The following PRTG variants were observed in gnomAD, a reference collection of about 807,000 sequenced individuals.
The protein encoded by PRTG is protogenin.
In PRTG, 67 loss-of-function variants were observed where a neutral mutation model predicts 122.5. The observed-to-expected ratio is 0.55, with a 90% CI of 0.45 to 0.67. The LOEUF is 0.67. PRTG is among the 30% of genes least tolerant of loss of function. The probability of loss-of-function intolerance (pLI) is 0.00; values close to 1 mark genes in which losing one functional copy is unlikely to be tolerated. For missense variants in PRTG, 1,435 were observed against 1,415.4 expected (o/e 1.01, Z -0.22); for synonymous variants, 554 against 501.1 (o/e 1.11, Z -1.41).
intron 2 of PRTG, among the ~76,000 whole-genome samples, chr15:55,729,494 C>T (rs1291570653): frequency 6.6e-6 from 1 of 151,938 alleles, no homozygotes; most frequent in Non-Finnish European, 1.5e-5. Flanking sequence ...GTTCCAGGTG[C>T]ACTGGCACAC....
At chr15:55,663,924 T>C (rs1210567809) in intron 11 of PRTG, among the ~76,000 whole-genome samples, 1 of 152,194 alleles carries the variant, frequency 6.6e-6, no homozygotes, top group Non-Finnish European at 1.5e-5. Context: ...TCACTCAGCA[T>C]AATGACATTG....
Position 55,613,690 on chromosome 15 carries a change from G to C in PRTG, c.*6322C>G, listed in dbSNP as rs1039997850. ...GTTCTGACACAACCTGGCTTTTGTGGATACAAGGAAAAAACAGTTGTATCT... is the reference window on the plus strand; with the variant it reads ...GTTCTGACACAACCTGGCTTTTGTGCATACAAGGAAAAAACAGTTGTATCT... On this transcript the variant is annotated 3_prime_UTR_variant, in exon 20 of 20. Transcript: ENST00000389286. 3 of 151,182 alleles carry C rather than the reference G, an allele frequency of 2.0e-5. No homozygotes were observed. Among genetic ancestry groups the C allele is most frequent in the Non-Finnish European group, 2.9e-5 (2 of 67,836 alleles). The allele number at this position is 151,182 out of a possible 1,614,324, so 9.4% of individuals were successfully genotyped here.
chr15:55,716,248 A>AAAC lies in PRTG; in HGVS notation c.397+24131_397+24133dup, dbSNP rs530597519. On this transcript the variant is annotated intron_variant, in intron 2 of 19. Coordinates refer to ENST00000389286, the MANE Select transcript of PRTG (RefSeq NM_173814.6). ...TCTGTCTCAAAAACAGAAAACAAAC[A>AAAC]AACAACAACAACAACAACAAAACAA... is the stretch of plus-strand genomic sequence containing the variant. Among the ~76,000 whole-genome samples the AAAC allele has an allele frequency of 4.6e-3, 702 of 152,198 alleles. 5 individuals carry two copies. The highest frequency in any genetic ancestry group is 0.016 in the African/African-American group (651 of 41,532).
chr15:55,668,520 T>C (rs977242879), intron 11 of PRTG, among the ~76,000 whole-genome samples: 1 of 152,144 alleles, frequency 6.6e-6, no homozygotes, highest in Non-Finnish European at 1.5e-5. Flanking sequence ...TATTTAAAAA[T>C]CCTACTTACA....
rs557590930 is a variant in PRTG, at chr15:55,680,011, T to C, written c.973+43A>G. Reference sequence around the variant, plus strand: ...ATGAATGAGATAAAACGGCAAATGTTAAAATGTAAGATTCCCCTGATTGCA... The same window carrying C: ...ATGAATGAGATAAAACGGCAAATGTCAAAATGTAAGATTCCCCTGATTGCA... On this transcript the variant is annotated intron_variant, in intron 6 of 19. Coordinates refer to ENST00000389286, the MANE Select transcript of PRTG (RefSeq NM_173814.6). 17 of 1,550,348 alleles carry C rather than the reference T, an allele frequency of 1.1e-5. No individual in the cohort carries two copies. The African/African-American group carries it at 1.8e-4, about 16-fold the overall frequency.
At chr15:55,672,721 A>G (rs2059479938) in intron 10 of PRTG, 88 bp from the exon 11 acceptor site, 4 of 948,990 alleles carry the variant, frequency 4.2e-6, no homozygotes, top group Admixed American at 3.3e-5. Flanking sequence ...AGTTTTAAGC[A>G]AACAATTACC....
chr15:55,638,722 T>C, intron 13 of PRTG, 46 bp from the exon 14 acceptor site: 4 of 1,554,396 alleles, frequency 2.6e-6, no homozygotes, highest in Non-Finnish European at 3.5e-6. Context: ...AGTATAATAT[T>C]GTTTGTAAAA....
At chr15:55,694,252 T>A (rs2059620263) in intron 2 of PRTG, among the ~76,000 whole-genome samples, 1 of 152,210 alleles carries the variant, frequency 6.6e-6, no homozygotes, top group African/African-American at 2.4e-5. Context: ...AGTATTTAAT[T>A]AGGAAAATTA....
intron 16 of PRTG, 47 bp from the exon 17 acceptor site, chr15:55,627,175 T>G: frequency 7.1e-7 from 1 of 1,410,884 alleles, no homozygotes; most frequent in Non-Finnish European, 9.5e-7. Flanking sequence ...AAAAATAAAT[T>G]ATTTAATTTA....
At chr15:55,731,893 G>T (rs1431352196) in intron 2 of PRTG, among the ~76,000 whole-genome samples, 1 of 152,120 alleles carries the variant, frequency 6.6e-6, no homozygotes, top group African/African-American at 2.4e-5. Context: ...GAAACACATC[G>T]TTAGGTGATT....
intron 2 of PRTG, among the ~76,000 whole-genome samples, chr15:55,735,074 T>C (rs1318178775): frequency 1.3e-5 from 2 of 152,160 alleles, no homozygotes; most frequent in Non-Finnish European, 2.9e-5. Context: ...TTTTTAAAGA[T>C]TTAATGAAGA....
intron 15 of PRTG, among the ~76,000 whole-genome samples, chr15:55,634,307 G>T (rs1236388805): frequency 6.6e-6 from 1 of 151,766 alleles, no homozygotes; most frequent in Non-Finnish European, 1.5e-5. Flanking sequence ...GACCTCAGGG[G>T]ATCCACCTGC....
chr15:55,698,362 C>T (rs1007595858), intron 2 of PRTG, among the ~76,000 whole-genome samples: 1 of 152,154 alleles, frequency 6.6e-6, no homozygotes, highest in African/African-American at 2.4e-5. Context: ...GTGATCTTGG[C>T]TCACTGTAGC....
At chr15:55,728,793 A>G (rs2031130600) in intron 2 of PRTG, among the ~76,000 whole-genome samples, 1 of 152,326 alleles carries the variant, frequency 6.6e-6, no homozygotes, top group South Asian at 2.1e-4. Context: ...AATTGGAGAG[A>G]GAGAAATAAA....
rs1482957072 is a variant in PRTG, at chr15:55,617,491, T to G, written c.*2521A>C. On this transcript the variant is annotated 3_prime_UTR_variant, in exon 20 of 20. Transcript: ENST00000389286. The stretch of plus-strand genomic sequence containing the variant: ...CTTGTGTAAGTTTCATATCTATAAA[T>G]GCTTCTAGTTAATTCAATTTGGGGG... 2.6e-5 allele frequency: 4 copies of G among 152,138 alleles called. No individual in the cohort carries two copies. Among genetic ancestry groups the G allele is most frequent in the Non-Finnish European group, 5.9e-5 (4 of 67,992 alleles). The allele number at this position is 152,138 out of a possible 1,614,324, so 9.4% of individuals were successfully genotyped here. A position where few individuals can be genotyped will look rare whatever the true frequency, so the allele number is the denominator to read the frequency against.
intron 17 of PRTG, among the ~76,000 whole-genome samples, chr15:55,624,977 A>T (rs1401274206): frequency 6.6e-6 from 1 of 152,236 alleles, no homozygotes; most frequent in Non-Finnish European, 1.5e-5. Context: ...AAGGCAATTC[A>T]ATACACACAA....
chr15:55,737,388 G>A (rs1294330552), intron 2 of PRTG, among the ~76,000 whole-genome samples: 1 of 152,144 alleles, frequency 6.6e-6, no homozygotes, highest in Non-Finnish European at 1.5e-5. Context: ...ATTCTTTTGT[G>A]CTTGAATGAA....
chr15:55,659,044 T>C (rs115658380), intron 11 of PRTG, among the ~76,000 whole-genome samples: 2,747 of 152,296 alleles, frequency 0.018, 95 homozygotes, highest in African/African-American at 0.063. Context: ...AAGATGTCAC[T>C]GTAACACTCA....
At chr15:55,695,219 T>C (rs2059625660) in intron 2 of PRTG, among the ~76,000 whole-genome samples, 1 of 152,200 alleles carries the variant, frequency 6.6e-6, no homozygotes, top group Non-Finnish European at 1.5e-5. Flanking sequence ...ACTGGAAATG[T>C]ATGACTACTA....
Sources: allele counts gnomAD v4.1 joint callset (sites outside exome capture counted in the v4.1 genomes callset), GRCh38; gene constraint gnomAD v4.1.1; transcripts MANE v1.5; gene names NCBI Gene and HGNC (gene_info 2026-07-23, HGNC 2026-07-21).